DHRS3: variants seen among roughly 807,000 people sequenced by gnomAD.
The protein encoded by DHRS3 is short-chain dehydrogenase/reductase 3.
Under a neutral mutation model 27.2 loss-of-function variants are expected in DHRS3, and 14 were observed. The ratio of observed to expected loss-of-function variants is 0.52; its 90% CI spans 0.34 to 0.81. The LOEUF (loss-of-function observed/expected upper bound fraction) is 0.81, where lower values mean the gene tolerates loss of function less well. DHRS3 is among the 30% of genes least tolerant of loss of function. The pLI is 0.01. For missense variants in DHRS3, 322 were observed against 406.2 expected (o/e 0.79, Z 1.78); for synonymous variants, 165 against 175.9 (o/e 0.94, Z 0.49).
intron 1 of DHRS3, chr1:12,616,542 T>C: frequency 1.0e-6 from 1 of 985,638 alleles, no homozygotes; most frequent in Non-Finnish European, 1.2e-6. Context: ...CAAGGGCTCT[T>C]TATCAGTAGC....
chr1:12,589,661 G>T (rs1381610174), intron 1 of DHRS3, among the ~76,000 whole-genome samples: 2 of 152,270 alleles, frequency 1.3e-5, no homozygotes, highest in African/African-American at 4.8e-5. Context: ...TTGAAGAGTA[G>T]TTGGGAGGAT....
intron 1 of DHRS3, among the ~76,000 whole-genome samples, chr1:12,600,649 A>G (rs1339534754): frequency 6.6e-6 from 1 of 152,110 alleles, no homozygotes; most frequent in Non-Finnish European, 1.5e-5. Context: ...GAGCACTAAA[A>G]GGAAGACCCC....
rs909515469 is a variant in DHRS3 at position 12,586,269 on chromosome 1, C to A, written c.196-5603G>T. 6.6e-6 allele frequency among the ~76,000 whole-genome samples: 1 copy of A among 152,236 alleles called. No individual in the cohort carries two copies. Among genetic ancestry groups the A allele is most frequent in the African/African-American group, 2.4e-5 (1 of 41,456 alleles). ...AGGAGTTAAGTAACTCACCCCACGC[C>A]ACCCACTGTGAAACAGGATTTGAAC... On this transcript the variant is annotated intron_variant, in intron 1 of 5. Coordinates refer to ENST00000616661, the MANE Select transcript of DHRS3 (RefSeq NM_004753.7). This position sits in a 1 kb window ranked among gnomAD's most constrained non-coding sequence, Gnocchi z 5.0.
intron 1 of DHRS3, among the ~76,000 whole-genome samples, chr1:12,611,910 AG>A (rs1461165955): frequency 1.7e-5 from 2 of 116,604 alleles, no homozygotes; most frequent in Non-Finnish European, 3.9e-5. Flanking sequence ...TAAGCAACAT[AG>A]GGAGACTCCC....
intron 1 of DHRS3, among the ~76,000 whole-genome samples, chr1:12,583,401 C>A (rs1196423098): frequency 2.8e-5 from 4 of 144,904 alleles, no homozygotes; most frequent in Non-Finnish European, 4.6e-5. Flanking sequence ...TCCATCCATC[C>A]ATCCACTCAC....
At chr1:12,589,395 T>TTC (rs1646726607) in intron 1 of DHRS3, among the ~76,000 whole-genome samples, 1 of 150,336 alleles carries the variant, frequency 6.7e-6, no homozygotes, top group African/African-American at 2.4e-5. Context: ...CTTTTTCTTT[T>TTC]TTTTTTTTTT....
chr1:12,588,746 G>C (rs537666549), intron 1 of DHRS3, among the ~76,000 whole-genome samples: 39 of 152,338 alleles, frequency 2.6e-4, no homozygotes, highest in South Asian at 1.7e-3. Flanking sequence ...GCTGGACTTG[G>C]CTTTCATTCC....
chr1:12,611,503 C>T (rs186691405), intron 1 of DHRS3, among the ~76,000 whole-genome samples: 12 of 152,284 alleles, frequency 7.9e-5, no homozygotes, highest in Admixed American at 3.9e-4. Context: ...TGGGGCTCTG[C>T]GGAGCTGGGG....
rs1349816675 is a variant in DHRS3 at position 12,594,553 on chromosome 1, G to T, written c.196-13887C>A. ...GGGGTGGGAGTGGTATTCAGATGGTGGGGGAAAGGTGCAGGGAAGTCCTCT... is the reference window on the plus strand; with the variant it reads ...GGGGTGGGAGTGGTATTCAGATGGTTGGGGAAAGGTGCAGGGAAGTCCTCT... On this transcript the variant is annotated intron_variant, in intron 1 of 5. Transcript: ENST00000616661. The surrounding 1 kb of genome is among the most constrained non-coding windows in gnomAD (Gnocchi z 4.1). Among the ~76,000 whole-genome samples the T allele has an allele frequency of 6.6e-6, 1 of 151,848 alleles. No individual in the cohort carries two copies. The highest frequency in any genetic ancestry group is 1.5e-5 in the Non-Finnish European group (1 of 67,766).
chr1:12,615,094 G>C (rs1441582972), intron 1 of DHRS3, among the ~76,000 whole-genome samples: 1 of 152,054 alleles, frequency 6.6e-6, no homozygotes, highest in African/African-American at 2.4e-5. Flanking sequence ...TTGGTGTTAG[G>C]CAAGAAGCCA....
At position 12,605,722 on chromosome 1, in the gene DHRS3, C is replaced by A. The variant is rs537253547; in HGVS notation, c.195+11432G>T. Among the ~76,000 whole-genome samples, 4 of 152,266 alleles carry A rather than the reference C, an allele frequency of 2.6e-5. No individual in the cohort carries two copies. In the East Asian group the frequency reaches 7.7e-4, roughly 29 times the overall value. ...AGTTTGAAAAGAACTCCTATCAGAG[C>A]AACATAAATTCTCCTAAAACTGAAG... On this transcript the variant is annotated intron_variant, in intron 1 of 5. Coordinates refer to ENST00000616661, the MANE Select transcript of DHRS3 (RefSeq NM_004753.7).
chr1:12,616,970 AAG>A (rs1282570207), intron 1 of DHRS3, among the ~76,000 whole-genome samples, 182 bp downstream of exon 1: 1 of 152,198 alleles, frequency 6.6e-6, no homozygotes, highest in East Asian at 1.9e-4. Flanking sequence ...CCTGCCAAAA[AAG>A]ACAGTCCGGT....
Position 12,617,452 on chromosome 1 carries a change from G to A in DHRS3, c.-104C>T. On this transcript the variant is annotated 5_prime_UTR_variant, in exon 1 of 6. Transcript: ENST00000616661. ...TAAATAGTAAACCGAATAAGGAGGA[G>A]AGAGGCGTCCCACCTGGCCACTCTT... The A allele has an allele frequency of 8.2e-7, 1 of 1,213,584 alleles. No homozygotes were observed. The highest frequency in any genetic ancestry group is 1.1e-6 in the Non-Finnish European group (1 of 897,384). 75.2% of individuals were successfully genotyped at this position (1,213,584 alleles called of 1,614,324 possible).
rs1646607821 is a variant in DHRS3, at chr1:12,578,235, C to T, written c.698+483G>A. ...AGCTCCCTGAACCAAGCAGCAGGAC[C>T]CTCCCCATCGTGGCATCACTGCCTT... On this transcript the variant is annotated intron_variant, in intron 4 of 5. Transcript: ENST00000616661. This position sits in a 1 kb window ranked among gnomAD's most constrained non-coding sequence, Gnocchi z 4.5. Among the ~76,000 whole-genome samples the T allele has an allele frequency of 6.6e-6, 1 of 152,210 alleles. No individual in the cohort carries two copies. Among genetic ancestry groups the T allele is most frequent in the Admixed American group, 6.5e-5 (1 of 15,284 alleles).
chr1:12,616,904 G>T, intron 1 of DHRS3: 1 of 933,072 alleles, frequency 1.1e-6, no homozygotes, highest in Non-Finnish European at 1.5e-6. Flanking sequence ...TTTCAGGGTG[G>T]GGGTGAATAG....
chr1:12,579,012 C>A, intron 3 of DHRS3, 56 bp from the exon 4 acceptor site: 1 of 1,512,664 alleles, frequency 6.6e-7, no homozygotes, highest in South Asian at 1.2e-5. Context: ...AACCCCTCCA[C>A]CTTTCTTTCG....
chr1:12,616,478 G>GA (rs1450683851), intron 1 of DHRS3: 24 of 861,332 alleles, frequency 2.8e-5, no homozygotes, highest in Non-Finnish European at 3.3e-5. Flanking sequence ...GCTAAATGGG[G>GA]AGGGATCCCT....
chr1:12,569,320 T>C (rs1646515365), intron 5 of DHRS3, among the ~76,000 whole-genome samples: 2 of 150,976 alleles, frequency 1.3e-5, no homozygotes. Context: ...CAGAGCAAAC[T>C]TTTTTTTTAA....
intron 1 of DHRS3, among the ~76,000 whole-genome samples, chr1:12,597,580 C>G (rs1349677012): frequency 6.6e-6 from 1 of 152,200 alleles, no homozygotes; most frequent in East Asian, 1.9e-4. Context: ...TTGTCTATTT[C>G]TCCCATTCTC....
Sources: gnomAD v4.1 joint callset for allele counts (sites outside exome capture counted in the v4.1 genomes callset) on GRCh38, gnomAD v4.1.1 for gene constraint, Gnocchi (gnomAD v3.1) non-coding constraint, MANE v1.5 for transcripts, NCBI Gene and HGNC (gene_info 2026-07-23, HGNC 2026-07-21) for gene names.